UHRF1: variants seen among roughly 807,000 people sequenced by gnomAD.
The protein encoded by UHRF1 is E3 ubiquitin-protein ligase UHRF1.
UHRF1 carries 9 observed loss-of-function variants against 96.5 expected under a neutral mutation model. The observed-to-expected ratio is 0.09, with a 90% confidence interval of 0.06 to 0.16. UHRF1 has a LOEUF of 0.16. Ranked by LOEUF, UHRF1 falls within the 10% of genes least tolerant of loss-of-function variation. UHRF1 has a pLI of 1.00. For missense variants in UHRF1, 626 were observed against 1,131.1 expected, an observed-to-expected ratio of 0.55 and a Z score of 6.40; for synonymous variants, 455 against 469.9, an observed-to-expected ratio of 0.97 and a Z score of 0.41.
At chr19:4,916,699 C>T (rs2656925) in intron 2 of UHRF1, among the ~76,000 whole-genome samples, 10 of 152,248 alleles carry the variant, frequency 6.6e-5, no homozygotes, top group South Asian at 4.1e-4. Context: ...CTCCTGCATC[C>T]GTTTTTCCTT....
chr19:4,907,820 C>T (rs1014805304), upstream of UHRF1, among the ~76,000 whole-genome samples: 1 of 146,530 alleles, frequency 6.8e-6, no homozygotes, highest in African/African-American at 2.5e-5. Context: ...TCAAGCGATT[C>T]TCCTGCCTCA....
In UHRF1 at chr19:4,929,434, C is replaced by T. The variant is rs771533499; in HGVS notation, c.366C>T (p.Ala122=). 6.2e-6 allele frequency: 10 copies of T among 1,613,916 alleles called. No individual in the cohort carries two copies. The highest frequency in any genetic ancestry group is 1.7e-5 in the Admixed American group (1 of 60,010). The stretch of plus-strand genomic sequence containing the variant: ...CCGCCGAGACTGACAGCAGGCCAGC[C>T]GATGAGGACATGTGGGATGAGACGG... ...EAAAETDSRP[A]DEDMWDETEL... is the part of the protein sequence containing the mutation. The change falls in exon 3 of 17, where the codon GCC becomes GCT. Residue 122 remains alanine, a synonymous_variant. Coordinates refer to ENST00000650932, the MANE Select transcript of UHRF1 (RefSeq NM_001048201.3).
rs1433895415 is a variant in UHRF1 at position 4,954,939 on chromosome 19, T to G, written c.2130+117T>G. ...TACAGCTCAGTCGCACTGAGTACAT[T>G]CTTGTGGTTGTGCAACCATCACCAC... On this transcript the variant is annotated intron_variant, in intron 15 of 16. Coordinates refer to ENST00000650932, the MANE Select transcript of UHRF1 (RefSeq NM_001048201.3). This position sits in a 1 kb window ranked among gnomAD's most constrained non-coding sequence, Gnocchi z 5.9. The G allele has an allele frequency of 7.6e-7, 1 of 1,320,440 alleles. No homozygotes were observed. The highest frequency in any genetic ancestry group is 2.1e-5 in the Admixed American group (1 of 48,184). 81.8% of individuals were successfully genotyped at this position (1,320,440 alleles called of 1,614,324 possible).
intron 2 of UHRF1, among the ~76,000 whole-genome samples, chr19:4,918,806 G>A (rs981510528): frequency 6.9e-6 from 1 of 144,490 alleles, no homozygotes; most frequent in Non-Finnish European, 1.5e-5. Flanking sequence ...CTGCAGCCTC[G>A]AATTCCTGAG....
At chr19:4,951,853 A>G (rs1195660059) in intron 13 of UHRF1, among the ~76,000 whole-genome samples, 1 of 152,158 alleles carries the variant, frequency 6.6e-6, no homozygotes, top group East Asian at 1.9e-4. Context: ...GCGGCGCAGC[A>G]TTTCAGCACC....
chr19:4,954,616 G>A lies in UHRF1; in HGVS notation c.1958-34G>A, dbSNP rs780922867. The A allele has an allele frequency of 4.4e-4, 714 of 1,605,762 alleles. 4 individuals are homozygous for A. The highest frequency in any genetic ancestry group is 5.1e-4 in the Middle Eastern group (3 of 5,928). ...CTGTCTCTCCGGCAGCTCGGGCCAC[G>A]CGCCCCTCCCTCACGCGCCCCACCC... On this transcript the variant is annotated intron_variant, in intron 14 of 16. Coordinates refer to ENST00000650932, the MANE Select transcript of UHRF1 (RefSeq NM_001048201.3). The surrounding 1 kb of genome is among the most constrained non-coding windows in gnomAD (Gnocchi z 5.9).
intron 9 of UHRF1, among the ~76,000 whole-genome samples, 158 bp downstream of exon 9, chr19:4,944,608 A>G (rs1444964720): frequency 2.0e-5 from 3 of 150,282 alleles, no homozygotes; most frequent in African/African-American, 7.4e-5. Flanking sequence ...GTTTGGGTTT[A>G]CTCCTTATTT....
At chr19:4,934,550 A>G (rs1328630057) in intron 5 of UHRF1, among the ~76,000 whole-genome samples, 1 of 152,164 alleles carries the variant, frequency 6.6e-6, no homozygotes, top group Non-Finnish European at 1.5e-5. Context: ...GGGATCACAC[A>G]GGATTTGTCC....
At chr19:4,928,606 G>T (rs997301477) in intron 2 of UHRF1, among the ~76,000 whole-genome samples, 1 of 152,208 alleles carries the variant, frequency 6.6e-6, no homozygotes, top group Non-Finnish European at 1.5e-5. Flanking sequence ...ATTGGCGCTG[G>T]AGCCTTACCC....
chr19:4,946,548 A>G (rs1348494046), intron 10 of UHRF1, among the ~76,000 whole-genome samples: 1 of 151,132 alleles, frequency 6.6e-6, no homozygotes, highest in Non-Finnish European at 1.5e-5. Flanking sequence ...GTGGAATTCA[A>G]GACTCCTGTG....
chr19:4,929,598 A>G, intron 3 of UHRF1, 122 bp downstream of exon 3: 2 of 1,388,506 alleles, frequency 1.4e-6, no homozygotes, highest in South Asian at 1.5e-5. Flanking sequence ...CTGGGCAGAA[A>G]TGGCCAAGGG....
At chr19:4,956,947 C>A in intron 16 of UHRF1, 134 bp downstream of exon 16, 1 of 687,704 alleles carries the variant, frequency 1.5e-6, no homozygotes, top group Non-Finnish European at 2.6e-6. Flanking sequence ...TTTCTCGGGG[C>A]CCTGTTGACT....
intron 1 of UHRF1, among the ~76,000 whole-genome samples, chr19:4,909,918 G>A (rs1679622730): frequency 6.6e-6 from 1 of 151,422 alleles, no homozygotes; most frequent in African/African-American, 2.4e-5. Context: ...AGCCGCCGGG[G>A]AGGATGTCAG....
chr19:4,909,226 G>A, upstream of UHRF1: 2 of 497,066 alleles, frequency 4.0e-6, no homozygotes, highest in South Asian at 2.8e-5. Flanking sequence ...TACCCTGGGG[G>A]TCCCCAAGGC....
intron 5 of UHRF1, among the ~76,000 whole-genome samples, chr19:4,939,786 G>T (rs573755448): frequency 6.6e-6 from 1 of 152,132 alleles, no homozygotes; most frequent in Non-Finnish European, 1.5e-5. Flanking sequence ...GTACTTTGGG[G>T]GGCCGAGGTG....
chr19:4,940,893 G>A (rs573016653), intron 5 of UHRF1, among the ~76,000 whole-genome samples: 4 of 151,718 alleles, frequency 2.6e-5, no homozygotes, highest in South Asian at 2.1e-4. Context: ...GGCTGGTCTC[G>A]AACTCCTGAC....
chr19:4,945,908 C>A lies in UHRF1; in HGVS notation c.1353C>A (p.Gly451=). 2 of 1,608,878 alleles carry A rather than the reference C, an allele frequency of 1.2e-6. No homozygotes were observed. Among genetic ancestry groups the A allele is most frequent in the South Asian group, 2.2e-5 (2 of 90,290 alleles). The change falls in exon 10 of 17, where the codon GGC becomes GGA. Residue 451 remains glycine, a synonymous_variant. Transcript: ENST00000650932. ...VHRPHVAGIH[G]RSNDGAYSLV... is the part of the protein sequence containing the mutation. ...GGCCCCACGTGGCTGGCATACACGG[C>A]CGGAGCAACGACGGAGCGTACTCCC...
At chr19:4,933,776 A>T (rs2033132621) in intron 5 of UHRF1, among the ~76,000 whole-genome samples, 1 of 152,144 alleles carries the variant, frequency 6.6e-6, no homozygotes, top group Admixed American at 6.6e-5. Flanking sequence ...GCTTTGACTA[A>T]TAGTTTTATT....
chr19:4,955,233 G>T (rs2033826660), intron 15 of UHRF1, among the ~76,000 whole-genome samples: 1 of 152,208 alleles, frequency 6.6e-6, no homozygotes, highest in South Asian at 2.1e-4. Flanking sequence ...CATGGGCCTT[G>T]CTGGGCTAAA....
Sources: gnomAD v4.1 joint callset for allele counts (sites outside exome capture counted in the v4.1 genomes callset) on GRCh38, gnomAD v4.1.1 for gene constraint, Gnocchi (gnomAD v3.1) non-coding constraint, MANE v1.5 for transcripts, NCBI Gene and HGNC (gene_info 2026-07-23, HGNC 2026-07-21) for gene names.